Variants in ZNF469 observed in about 807,000 individuals in gnomAD.
ZNF469 encodes the protein zinc finger protein 469.
Under a neutral mutation model 1.0 loss-of-function variants are expected in ZNF469, and 1 was observed. That is an observed-to-expected ratio of 1.00 (90% CI 0.35 to 4.73). ZNF469 has a LOEUF of 4.73. ZNF469 is among the 30% of genes most tolerant of loss of function. The probability of loss-of-function intolerance (pLI) is 0.16; values close to 1 mark genes in which losing one functional copy is unlikely to be tolerated. For synonymous variants in ZNF469, 2,703 were observed against 2,363.4 expected (o/e 1.14, Z -4.17); for missense variants, 6,100 against 5,356.3 (o/e 1.14, Z -4.33).
chr16:88,161,910 T>C, the ZNF469 span, among the ~76,000 whole-genome samples: 1 of 152,230 alleles, frequency 6.6e-6, no homozygotes, highest in Non-Finnish European at 1.5e-5. Flanking sequence ...TTAAGTTGGA[T>C]ATATTTATAT....
At chr16:88,132,850 C>G in the ZNF469 span, among the ~76,000 whole-genome samples, 1 of 152,122 alleles carries the variant, frequency 6.6e-6, no homozygotes, top group African/African-American at 2.4e-5. Context: ...GAGGGTGAAG[C>G]GAATTTGGAC....
the ZNF469 span, among the ~76,000 whole-genome samples, chr16:88,160,716 G>A: frequency 4.5e-4 from 68 of 152,336 alleles, no homozygotes; most frequent in African/African-American, 1.4e-3. Flanking sequence ...TGTACCTCCC[G>A]TTGGTGGTGG....
intron 1 of ZNF469, among the ~76,000 whole-genome samples, chr16:88,393,939 A>G (rs1409453039): frequency 6.6e-6 from 1 of 152,226 alleles, no homozygotes; most frequent in Admixed American, 6.5e-5. Context: ...GGCTCATGCT[A>G]CACCTCTGCT....
At chr16:88,144,480 C>T in the ZNF469 span, among the ~76,000 whole-genome samples, 4 of 152,192 alleles carry the variant, frequency 2.6e-5, no homozygotes, top group Non-Finnish European at 4.4e-5. Context: ...TCCCTCCAGC[C>T]ACCCCAGCCC....
At chr16:88,307,970 T>C in the ZNF469 span, among the ~76,000 whole-genome samples, 2 of 152,362 alleles carry the variant, frequency 1.3e-5, no homozygotes, top group South Asian at 4.1e-4. Context: ...TGGTTTCGGC[T>C]CTCACATTTA....
At chr16:88,299,070 G>C in the ZNF469 span, among the ~76,000 whole-genome samples, 1 of 151,930 alleles carries the variant, frequency 6.6e-6, no homozygotes, top group Non-Finnish European at 1.5e-5. Flanking sequence ...AGGCCTGCAA[G>C]CCAATGGGGG....
At chr16:88,271,821 G>A in the ZNF469 span, among the ~76,000 whole-genome samples, 2 of 152,104 alleles carry the variant, frequency 1.3e-5, no homozygotes, top group Non-Finnish European at 2.9e-5. Context: ...GTGGGTGGAT[G>A]GATGGTGGGT....
the ZNF469 span, among the ~76,000 whole-genome samples, chr16:88,305,276 G>GCACC: frequency 2.2e-5 from 2 of 90,654 alleles, no homozygotes. Context: ...TCACACACAT[G>GCACC]CTCTCAGGCA....
the ZNF469 span, among the ~76,000 whole-genome samples, chr16:88,292,061 A>G: frequency 1.3e-5 from 2 of 152,204 alleles, no homozygotes; most frequent in South Asian, 2.1e-4. Flanking sequence ...TCTGGAGAAC[A>G]TGAAGTGGAT....
the ZNF469 span, among the ~76,000 whole-genome samples, chr16:88,209,268 G>A: frequency 2.1e-4 from 32 of 151,936 alleles, no homozygotes; most frequent in South Asian, 5.4e-3. Context: ...TTGTTCTTCC[G>A]GTGTTTCTTT....
the ZNF469 span, among the ~76,000 whole-genome samples, chr16:88,278,649 C>A: frequency 1.4e-3 from 149 of 103,080 alleles, 23 homozygotes; most frequent in Middle Eastern, 0.031. Context: ...TTAGTGCTGC[C>A]TCACGCCGAT....
At chr16:88,270,183 T>C in the ZNF469 span, among the ~76,000 whole-genome samples, 6 of 152,148 alleles carry the variant, frequency 3.9e-5, no homozygotes, top group African/African-American at 1.4e-4. Context: ...CCCAAGCCCA[T>C]GTGGGTAGAG....
chr16:88,110,625 G>C, the ZNF469 span, among the ~76,000 whole-genome samples: 1 of 152,270 alleles, frequency 6.6e-6, no homozygotes, highest in Admixed American at 6.5e-5. Flanking sequence ...TGTCCTCCCA[G>C]CGTGGGCTGC....
chr16:88,365,085 C>T, the ZNF469 span, among the ~76,000 whole-genome samples: 1 of 152,098 alleles, frequency 6.6e-6, no homozygotes, highest in Non-Finnish European at 1.5e-5. Context: ...TTTGATTTTC[C>T]GATTGCATGT....
the ZNF469 span, among the ~76,000 whole-genome samples, chr16:88,120,767 G>A: frequency 1.8e-4 from 28 of 152,298 alleles, no homozygotes; most frequent in East Asian, 2.9e-3. Flanking sequence ...AATGGAACTC[G>A]GAGGACAGAG....
chr16:88,396,922 G>GGAGACCCTCATGAAGGGAGGCCGGGA (rs1904694207), intron 1 of ZNF469, among the ~76,000 whole-genome samples: 1 of 145,956 alleles, frequency 6.9e-6, no homozygotes, highest in Non-Finnish European at 1.5e-5. Context: ...GAGGCCGGGA[G>GGAGACCCTCATGAAGGGAGGCCGGGA]GAGACCCGTC....
the ZNF469 span, among the ~76,000 whole-genome samples, chr16:88,360,162 A>G: frequency 6.6e-6 from 1 of 150,704 alleles, no homozygotes. Flanking sequence ...CTGGGATTAC[A>G]GGTGCACACC....
upstream of ZNF469, among the ~76,000 whole-genome samples, chr16:88,380,719 T>TACAC (rs367800076): frequency 1.1e-5 from 1 of 88,362 alleles, no homozygotes; most frequent in South Asian, 4.2e-4. Flanking sequence ...CATGCACTCA[T>TACAC]ACACACACAG....
the ZNF469 span, among the ~76,000 whole-genome samples, chr16:88,322,588 C>T: frequency 6.6e-6 from 1 of 152,200 alleles, no homozygotes; most frequent in Admixed American, 6.5e-5. Flanking sequence ...GTGTGACTGA[C>T]GAGGAGGGTT....
Sources: allele counts gnomAD v4.1 joint callset (sites outside exome capture counted in the v4.1 genomes callset), GRCh38; gene constraint gnomAD v4.1.1; transcripts MANE v1.5; gene names NCBI Gene and HGNC (gene_info 2026-07-23, HGNC 2026-07-21).